C9orf85: variants seen among roughly 807,000 people sequenced by gnomAD.
C9orf85 encodes chromosome 9 open reading frame 85, also known as uncharacterized protein C9orf85.
In C9orf85, 16 loss-of-function variants were observed where a neutral mutation model predicts 14.9. The observed-to-expected ratio is 1.08, with a 90% CI of 0.73 to 1.63. The LOEUF is 1.63. C9orf85 is among the 40% of genes most tolerant of loss of function. C9orf85 has a pLI of 0.00. For synonymous variants in C9orf85, 45 were observed against 56.8 expected (o/e 0.79, Z 0.93); for missense variants, 172 against 186.1 (o/e 0.92, Z 0.44).
chr9:71,970,030 C>T (rs188996757), intron 2 of C9orf85, among the ~76,000 whole-genome samples: 233 of 152,034 alleles, frequency 1.5e-3, no homozygotes, highest in Middle Eastern at 6.8e-3. Context: ...CTGCAACCTC[C>T]GCCTCTTGGG....
chr9:71,983,516 A>T (rs909168072), downstream of C9orf85: 3 of 152,222 alleles, frequency 2.0e-5, no homozygotes, highest in Admixed American at 2.0e-4. Context: ...TATCCTTCAC[A>T]TTAAGAAACT....
At chr9:71,921,836 A>C (rs1180184419) in intron 1 of C9orf85, among the ~76,000 whole-genome samples, 1 of 152,178 alleles carries the variant, frequency 6.6e-6, no homozygotes, top group East Asian at 1.9e-4. Flanking sequence ...TGCTAACTTA[A>C]GCAGAAAGGG....
At chr9:71,920,071 G>A (rs1827756557) in intron 1 of C9orf85, among the ~76,000 whole-genome samples, 1 of 151,986 alleles carries the variant, frequency 6.6e-6, no homozygotes, top group Middle Eastern at 3.2e-3. Flanking sequence ...GGACAGTCTC[G>A]ATCTCTTGAC....
At chr9:71,936,029 C>G (rs1466518072) in intron 1 of C9orf85, among the ~76,000 whole-genome samples, 2 of 151,720 alleles carry the variant, frequency 1.3e-5, no homozygotes, top group Non-Finnish European at 2.9e-5. Context: ...AAGAGATATA[C>G]AGGTGAAAGA....
chr9:71,957,995 A>G lies in C9orf85; in HGVS notation c.209+10883A>G, dbSNP rs374899774. 1.1e-4 allele frequency among the ~76,000 whole-genome samples: 16 copies of G among 152,210 alleles called. 1 individual carries two copies. Among genetic ancestry groups the G allele is most frequent in the Admixed American group, 5.2e-4 (8 of 15,278 alleles). ...GTACTATTTAAGGTCTGAATGATGTATCCTTTCTAGTGGAATTTTAAGTGT... is the reference window on the plus strand; with the variant it reads ...GTACTATTTAAGGTCTGAATGATGTGTCCTTTCTAGTGGAATTTTAAGTGT... On this transcript the variant is annotated intron_variant, in intron 2 of 3. Coordinates refer to ENST00000334731, the MANE Select transcript of C9orf85 (RefSeq NM_182505.5).
chr9:71,937,844 A>C (rs1828229182), intron 1 of C9orf85, among the ~76,000 whole-genome samples: 1 of 152,162 alleles, frequency 6.6e-6, no homozygotes, highest in Admixed American at 6.5e-5. Flanking sequence ...TAGGGTAATA[A>C]ATTTGCTCAA....
At chr9:71,939,534 C>G (rs1206722760) in intron 1 of C9orf85, among the ~76,000 whole-genome samples, 1 of 152,080 alleles carries the variant, frequency 6.6e-6, no homozygotes, top group Non-Finnish European at 1.5e-5. Context: ...CAGTTCTTCC[C>G]AAGATTGATT....
At chr9:71,953,076 G>A (rs113063941) in intron 2 of C9orf85, among the ~76,000 whole-genome samples, 1 of 152,038 alleles carries the variant, frequency 6.6e-6, no homozygotes, top group African/African-American at 2.4e-5. Context: ...CCCAGGAAGG[G>A]TGCTACTGAC....
intron 3 of C9orf85, among the ~76,000 whole-genome samples, chr9:71,972,309 G>A (rs1822897043): frequency 6.6e-6 from 1 of 151,536 alleles, no homozygotes; most frequent in Non-Finnish European, 1.5e-5. Context: ...GTCCAGGCTA[G>A]AGTGCAATGG....
In C9orf85 at chr9:71,972,701, A is replaced by T; in HGVS notation, c.333A>T (p.Lys111Asn). The T allele has an allele frequency of 6.3e-7, 1 of 1,577,828 alleles. No homozygotes were observed. The highest frequency in any genetic ancestry group is 8.6e-7 in the Non-Finnish European group (1 of 1,157,834). Residue 111 changes from lysine to asparagine, a missense_variant, in exon 4 of 4, where the codon AAA becomes AAT. Coordinates refer to ENST00000334731, the MANE Select transcript of C9orf85 (RefSeq NM_182505.5). ...KKEDIVIPLN[K>N]ETEKIEHTEN... Reference sequence around the variant, plus strand: ...TTTCTTTCATCTTTAGGTTGAATAAAGAAACAGAAAAAATAGAACATACTG... The same window carrying T: ...TTTCTTTCATCTTTAGGTTGAATAATGAAACAGAAAAAATAGAACATACTG...
At chr9:71,948,071 A>G (rs1822145177) in intron 2 of C9orf85, among the ~76,000 whole-genome samples, 1 of 152,248 alleles carries the variant, frequency 6.6e-6, no homozygotes, top group Admixed American at 6.5e-5. Context: ...ATGAAAGAGA[A>G]AAGTGATTAT....
chr9:71,937,660 T>G (rs1472370209), intron 1 of C9orf85, among the ~76,000 whole-genome samples: 1 of 152,184 alleles, frequency 6.6e-6, no homozygotes, highest in East Asian at 1.9e-4. Flanking sequence ...TTTAAAAACT[T>G]GTGATGAATT....
intron 2 of C9orf85, among the ~76,000 whole-genome samples, chr9:71,958,716 C>CT: frequency 6.6e-6 from 1 of 152,236 alleles, no homozygotes; most frequent in Middle Eastern, 3.4e-3. Flanking sequence ...GTCATACCCC[C>CT]TCCCCTTTCT....
downstream of C9orf85, among the ~76,000 whole-genome samples, chr9:71,978,310 A>G (rs746519430): frequency 2.0e-5 from 3 of 152,044 alleles, no homozygotes; most frequent in Non-Finnish European, 4.4e-5. Flanking sequence ...GCGTTTTGCA[A>G]TGTTGGCCAG....
intron 2 of C9orf85, among the ~76,000 whole-genome samples, chr9:71,963,179 C>CTAGTATAATT (rs1418619892): frequency 6.6e-6 from 1 of 152,162 alleles, no homozygotes; most frequent in Non-Finnish European, 1.5e-5. Flanking sequence ...TTTGATGCTA[C>CTAGTATAATT]TGTTTTTGTT....
intron 1 of C9orf85, among the ~76,000 whole-genome samples, chr9:71,935,448 A>G (rs1828166225): frequency 6.6e-6 from 1 of 152,176 alleles, no homozygotes; most frequent in Admixed American, 6.5e-5. Flanking sequence ...AAATTCTGAC[A>G]TATTCTACAG....
chr9:71,976,901 CAT>C (rs1469573581), downstream of C9orf85, among the ~76,000 whole-genome samples: 2 of 152,152 alleles, frequency 1.3e-5, no homozygotes, highest in Non-Finnish European at 2.9e-5. Flanking sequence ...GAGTATCCAG[CAT>C]ATGAGGGGAA....
chr9:71,978,672 T>C lies in C9orf85; in HGVS notation c.324-3985T>C, dbSNP rs113867629. Among the ~76,000 whole-genome samples, 233 of 152,314 alleles carry C rather than the reference T, an allele frequency of 1.5e-3. 1 individual carries two copies. Among genetic ancestry groups the C allele is most frequent in the Middle Eastern group, 0.01 (3 of 294 alleles). ...TATAAGAGGGGAACTTCTGGAATGCTGGAATCATCTGTATCTTGATCCAGG... is the reference window on the plus strand; with the variant it reads ...TATAAGAGGGGAACTTCTGGAATGCCGGAATCATCTGTATCTTGATCCAGG... On this transcript the variant is annotated intron_variant, in intron 3 of 3. Coordinates refer to the C9orf85 transcript ENST00000377031.
intron 1 of C9orf85, among the ~76,000 whole-genome samples, chr9:71,925,950 A>C (rs1178765941): frequency 6.6e-6 from 1 of 152,256 alleles, no homozygotes; most frequent in Non-Finnish European, 1.5e-5. Context: ...ATAGAAGAAC[A>C]ACTTTCTAAA....
Sources: gnomAD v4.1 joint callset for allele counts (sites outside exome capture counted in the v4.1 genomes callset) on GRCh38, gnomAD v4.1.1 for gene constraint, MANE v1.5 for transcripts, NCBI Gene and HGNC (gene_info 2026-07-23, HGNC 2026-07-21) for gene names.